CA10: variants seen among roughly 807,000 people sequenced by gnomAD.
CA10 encodes the protein carbonic anhydrase-related protein 10.
A neutral mutation model predicts 44.2 loss-of-function variants in CA10; 14 were observed. The ratio of observed to expected loss-of-function variants is 0.32; its 90% CI spans 0.21 to 0.50. CA10 has a LOEUF of 0.50. Ranked by LOEUF, CA10 falls within the 20% of genes least tolerant of loss-of-function variation. The pLI is 0.99. For missense variants in CA10, 350 were observed against 409.7 expected (o/e 0.85, Z 1.26); for synonymous variants, 159 against 141.6 (o/e 1.12, Z -0.87).
intron 3 of CA10, among the ~76,000 whole-genome samples, chr17:51,756,894 A>G (rs2143628082): frequency 6.6e-6 from 1 of 152,288 alleles, no homozygotes; most frequent in Non-Finnish European, 1.5e-5. Flanking sequence ...GTCTAGACCC[A>G]GGGTGGCAGG....
chr17:51,890,818 T>C (rs182749406), intron 3 of CA10, among the ~76,000 whole-genome samples: 12 of 152,286 alleles, frequency 7.9e-5, no homozygotes, highest in Admixed American at 5.2e-4. Flanking sequence ...GGTTACTGAA[T>C]TTGGAGCTAG....
At chr17:52,116,911 T>C (rs1234118640) in intron 1 of CA10, among the ~76,000 whole-genome samples, 1 of 152,214 alleles carries the variant, frequency 6.6e-6, no homozygotes, top group Non-Finnish European at 1.5e-5. Flanking sequence ...GCCAATCTGG[T>C]ATGCTTTGCG....
intron 2 of CA10, among the ~76,000 whole-genome samples, chr17:51,971,060 C>T (rs754189): frequency 0.32 from 48,757 of 151,794 alleles, 9,769 homozygotes; most frequent in East Asian, 0.74. Flanking sequence ...TCAAAATACA[C>T]TATGAAAGAA....
At chr17:51,713,145 A>G (rs1915997099) in intron 4 of CA10, among the ~76,000 whole-genome samples, 1 of 152,204 alleles carries the variant, frequency 6.6e-6, no homozygotes, top group Admixed American at 6.5e-5. Flanking sequence ...CCAAAGAAGT[A>G]TTTTCCTACT....
intron 3 of CA10, among the ~76,000 whole-genome samples, chr17:51,925,207 T>C (rs1982378021): frequency 6.6e-6 from 1 of 152,136 alleles, no homozygotes; most frequent in Non-Finnish European, 1.5e-5. Context: ...ACTTCTTATA[T>C]TCCTGACTGT....
intron 1 of CA10, among the ~76,000 whole-genome samples, chr17:52,135,294 C>CT (rs1245637434): frequency 4.6e-5 from 7 of 152,130 alleles, no homozygotes; most frequent in Non-Finnish European, 1.0e-4. Context: ...GCTGCCCCTC[C>CT]TTTTTTTGCC....
chr17:52,099,569 T>C (rs1567733092), intron 1 of CA10, among the ~76,000 whole-genome samples: 4 of 152,172 alleles, frequency 2.6e-5, no homozygotes, highest in Non-Finnish European at 4.4e-5. Context: ...AAGAGTTTCA[T>C]TGGATCATGG....
At chr17:51,703,226 G>A (rs146540823) in intron 4 of CA10, among the ~76,000 whole-genome samples, 1 of 152,248 alleles carries the variant, frequency 6.6e-6, no homozygotes, top group Non-Finnish European at 1.5e-5. Flanking sequence ...TACATAATAG[G>A]TAATCAATAA....
intron 2 of CA10, among the ~76,000 whole-genome samples, chr17:52,069,379 T>G (rs1299349042): frequency 6.6e-6 from 1 of 152,136 alleles, no homozygotes; most frequent in South Asian, 2.1e-4. Context: ...TATGATGGTA[T>G]GGAGGGCGAA....
chr17:52,110,737 T>A (rs1003267840), intron 1 of CA10, among the ~76,000 whole-genome samples: 1 of 152,118 alleles, frequency 6.6e-6, no homozygotes, highest in Admixed American at 6.5e-5. Flanking sequence ...GCCATTTCTA[T>A]CCTCCCCCCA....
At chr17:51,715,059 C>G (rs1163988973) in intron 4 of CA10, among the ~76,000 whole-genome samples, 1 of 149,816 alleles carries the variant, frequency 6.7e-6, no homozygotes, top group Non-Finnish European at 1.5e-5. Flanking sequence ...GAGTTCATGT[C>G]TTTGTAGGGA....
chr17:52,059,633 G>A lies in CA10; in HGVS notation c.136+12686C>T, dbSNP rs535215248. On this transcript the variant is annotated intron_variant, in intron 2 of 8. Transcript: ENST00000451037. The stretch of plus-strand genomic sequence containing the variant: ...ACATGTATACATATGTATCAAAACT[G>A]CACATTGTGCACATGTACCCTAGAA... 5.0e-4 allele frequency among the ~76,000 whole-genome samples: 76 copies of A among 151,414 alleles called. 1 individual carries two copies. Among genetic ancestry groups the A allele is most frequent in the African/African-American group, 1.7e-3 (72 of 41,224 alleles).
chr17:51,763,223 A>G (rs1905264425), intron 3 of CA10: 1 of 152,256 alleles, frequency 6.6e-6, no homozygotes, highest in African/African-American at 2.4e-5. Context: ...AGCAATGGTT[A>G]CATCAGCCAG....
chr17:52,098,543 G>A (rs1375536773), intron 1 of CA10, among the ~76,000 whole-genome samples: 2 of 152,140 alleles, frequency 1.3e-5, no homozygotes, highest in African/African-American at 2.4e-5. Context: ...CTACAGACAT[G>A]TACTGACCTA....
At chr17:52,156,357 T>C (rs1191964647) in intron 1 of CA10, among the ~76,000 whole-genome samples, 6 of 152,112 alleles carry the variant, frequency 3.9e-5, no homozygotes, top group African/African-American at 9.7e-5. Flanking sequence ...ACTAGAGGAG[T>C]TGGGGTGACC....
intron 1 of CA10, among the ~76,000 whole-genome samples, chr17:52,134,427 T>G (rs889369560): frequency 1.3e-5 from 2 of 152,138 alleles, no homozygotes; most frequent in African/African-American, 4.8e-5. Context: ...CTTTCTGTCT[T>G]TAACTAAATT....
intron 3 of CA10, among the ~76,000 whole-genome samples, chr17:51,767,661 C>T (rs1353007541): frequency 6.6e-6 from 1 of 151,656 alleles, no homozygotes; most frequent in East Asian, 1.9e-4. Flanking sequence ...ATTATTATTA[C>T]ATTGTAACAT....
At chr17:51,852,761 C>G (rs1250954442) in intron 3 of CA10, among the ~76,000 whole-genome samples, 1 of 152,154 alleles carries the variant, frequency 6.6e-6, no homozygotes, top group African/African-American at 2.4e-5. Context: ...ACTCCACTCA[C>G]AGTGTTGTTG....
At chr17:51,997,301 G>T (rs1340304863) in intron 2 of CA10, among the ~76,000 whole-genome samples, 2 of 152,010 alleles carry the variant, frequency 1.3e-5, no homozygotes, top group African/African-American at 4.8e-5. Context: ...TCCATACCTA[G>T]CGCTGTTTTG....
Sources: allele counts gnomAD v4.1 joint callset (sites outside exome capture counted in the v4.1 genomes callset), GRCh38; gene constraint gnomAD v4.1.1; transcripts MANE v1.5; gene names NCBI Gene and HGNC (gene_info 2026-07-23, HGNC 2026-07-21).